Variants in COLGALT2 observed in about 807,000 individuals in gnomAD.
The protein encoded by COLGALT2 is collagen beta(1-O)galactosyltransferase 2.
In COLGALT2, 49 loss-of-function variants were observed where a neutral mutation model predicts 73.4. The ratio of observed to expected loss-of-function variants is 0.67; its 90% CI spans 0.53 to 0.85. COLGALT2 has a LOEUF of 0.85. COLGALT2 is among the 40% of genes least tolerant of loss of function. COLGALT2 has a pLI of 0.00. For missense variants in COLGALT2, 722 were observed against 790.2 expected (o/e 0.91, Z 1.03); for synonymous variants, 295 against 307.6 (o/e 0.96, Z 0.43).
chr1:183,942,004 AGTGGTG>A (rs1266313285), intron 10 of COLGALT2, among the ~76,000 whole-genome samples: 1 of 149,748 alleles, frequency 6.7e-6, no homozygotes, highest in Non-Finnish European at 1.5e-5. Context: ...GCTGGAGTGC[AGTGGTG>A]CAATCTGAGC....
chr1:183,947,336 T>C (rs940184339), intron 8 of COLGALT2, among the ~76,000 whole-genome samples: 1 of 152,204 alleles, frequency 6.6e-6, no homozygotes, highest in African/African-American at 2.4e-5. Flanking sequence ...AAATACCATT[T>C]TTTAGACCAT....
intron 6 of COLGALT2, among the ~76,000 whole-genome samples, chr1:183,960,315 C>T (rs759888560): frequency 3.3e-5 from 5 of 152,206 alleles, no homozygotes; most frequent in Non-Finnish European, 7.4e-5. Flanking sequence ...TTTCCTCTGC[C>T]TGTAGTGTCC....
At chr1:183,930,551 T>C (rs1453122935) in intron 11 of COLGALT2, among the ~76,000 whole-genome samples, 1 of 148,484 alleles carries the variant, frequency 6.7e-6, no homozygotes, top group African/African-American at 2.5e-5. Context: ...ACCAATGCCC[T>C]GCTAATTTTT....
Position 183,945,476 on chromosome 1 carries a change from C to G in COLGALT2, c.1225G>C (p.Gly409Arg), listed in dbSNP as rs1261738253. Residue 409 changes from glycine (G) to arginine (R), a missense_variant, in exon 9 of 12, where the codon GGT becomes CGT. Physicochemically the swap from Gly to Arg is moderately radical, Grantham distance 125 (BLOSUM62 -2). Transcript: ENST00000361927. ...TGGCTGAGAAAGCAGCCGATTTCAC[C>G]CCTTGTTAGAGGCCTGGAGGAATAG... is the stretch of plus-strand genomic sequence containing the variant. ...DPYSSRPLTR[G>R]EIGCFLSHYS... 5 of 1,614,066 alleles carry G rather than the reference C, an allele frequency of 3.1e-6. No individual in the cohort carries two copies. The Admixed American group carries it at 8.3e-5, about 27-fold the overall frequency.
chr1:183,956,441 G>A (rs1670557500), intron 6 of COLGALT2, among the ~76,000 whole-genome samples: 4 of 152,092 alleles, frequency 2.6e-5, no homozygotes, highest in Admixed American at 2.0e-4. Context: ...CTCCTTATTA[G>A]TTTCTTTTAA....
At chr1:184,000,235 T>G (rs979275566) in intron 1 of COLGALT2, among the ~76,000 whole-genome samples, 1 of 152,202 alleles carries the variant, frequency 6.6e-6, no homozygotes, top group Non-Finnish European at 1.5e-5. Context: ...TGTGTCTATT[T>G]TTTGTAAAAG....
At chr1:183,978,073 G>A (rs966178862) in intron 2 of COLGALT2, among the ~76,000 whole-genome samples, 6 of 152,086 alleles carry the variant, frequency 3.9e-5, no homozygotes, top group African/African-American at 1.4e-4. Context: ...CAAGCTCTAT[G>A]TAGAAAGTAT....
At position 183,938,739 on chromosome 1, in the gene COLGALT2, G is replaced by A. The variant is rs375391673; in HGVS notation, c.*22C>T. ...AAACCAGAGGATGTTGAACTGATGT[G>A]GGCCACACTCCCAGGGAGCCTTCAT... On this transcript the variant is annotated 3_prime_UTR_variant, in exon 12 of 12. Transcript: ENST00000361927. 1.3e-5 allele frequency: 21 copies of A among 1,612,292 alleles called. No homozygotes were observed. In the South Asian group the frequency reaches 1.5e-4, roughly 12 times the overall value.
chr1:183,961,020 T>C (rs1249041079), intron 6 of COLGALT2, among the ~76,000 whole-genome samples: 1 of 152,266 alleles, frequency 6.6e-6, no homozygotes, highest in Non-Finnish European at 1.5e-5. Context: ...GATAGGATTT[T>C]GTCATTACCA....
chr1:184,036,762 C>A (rs1460616895), intron 1 of COLGALT2, among the ~76,000 whole-genome samples: 1 of 152,202 alleles, frequency 6.6e-6, no homozygotes, highest in Non-Finnish European at 1.5e-5. Flanking sequence ...GAGTTAAAAG[C>A]GAGGGAACTG....
At chr1:183,931,402 A>C (rs1381377085), downstream of COLGALT2, among the ~76,000 whole-genome samples, 1 of 152,198 alleles carries the variant, frequency 6.6e-6, no homozygotes, top group Non-Finnish European at 1.5e-5. Flanking sequence ...TATCCTGAGC[A>C]TCATTTCCAT....
intron 1 of COLGALT2, among the ~76,000 whole-genome samples, chr1:183,999,282 G>A (rs1671851856): frequency 2.0e-5 from 3 of 152,080 alleles, no homozygotes; most frequent in Admixed American, 1.3e-4. Flanking sequence ...ATTCTCTAAT[G>A]TTGAGCTAAC....
intron 6 of COLGALT2, among the ~76,000 whole-genome samples, chr1:183,958,888 C>T (rs1670622505): frequency 6.6e-6 from 1 of 151,752 alleles, no homozygotes; most frequent in African/African-American, 2.4e-5. Context: ...AACAACCTAA[C>T]CAGAAAAACC....
chr1:183,977,810 GAA>G (rs1491510966), intron 2 of COLGALT2, among the ~76,000 whole-genome samples: 307 of 29,336 alleles, frequency 0.01, 1 homozygote, highest in Middle Eastern at 0.043. Context: ...AGGAAAGAGA[GAA>G]AGAGAGAGAG....
intron 1 of COLGALT2, among the ~76,000 whole-genome samples, chr1:183,997,884 T>G (rs771828148): frequency 6.6e-6 from 1 of 152,254 alleles, no homozygotes; most frequent in Non-Finnish European, 1.5e-5. Context: ...CACTGTATTA[T>G]TATACTATAA....
chr1:184,019,628 C>T (rs1476917247), intron 1 of COLGALT2, among the ~76,000 whole-genome samples: 2 of 152,166 alleles, frequency 1.3e-5, no homozygotes, highest in African/African-American at 2.4e-5. Flanking sequence ...AGAGGAATAA[C>T]ACTCCATTGT....
At chr1:184,027,537 C>T (rs75094720) in intron 1 of COLGALT2, among the ~76,000 whole-genome samples, 1 of 152,172 alleles carries the variant, frequency 6.6e-6, no homozygotes, top group Admixed American at 6.5e-5. Context: ...CAGCCTTACA[C>T]TAAAGGGTTG....
In COLGALT2 at chr1:183,940,579, A is replaced by C. The variant is rs770436368; in HGVS notation, c.1604+2T>G. ...GAAGGCAGGCAGTTCAGGGAGACTC[A>C]CACGGGATGCTTGTTGTACATGACT... On this transcript the variant is annotated splice_donor_variant, in intron 11 of 11. Transcript: ENST00000361927. LOFTEE classifies it high-confidence loss of function. 7 of 1,614,016 alleles carry C rather than the reference A, an allele frequency of 4.3e-6. No individual in the cohort carries two copies. The South Asian group carries it at 7.7e-5, about 18-fold the overall frequency.
chr1:184,019,043 T>C (rs887213554), intron 1 of COLGALT2, among the ~76,000 whole-genome samples: 2 of 152,190 alleles, frequency 1.3e-5, no homozygotes, highest in Admixed American at 6.5e-5. Context: ...TTTCTCATGG[T>C]CCCTAAAAAT....
Sources: gnomAD v4.1 joint callset for allele counts (sites outside exome capture counted in the v4.1 genomes callset) on GRCh38, gnomAD v4.1.1 for gene constraint, MANE v1.5 for transcripts, NCBI Gene and HGNC (gene_info 2026-07-23, HGNC 2026-07-21) for gene names.